LIPI: variants seen among roughly 807,000 people sequenced by gnomAD.
The protein encoded by LIPI is lipase member I.
In LIPI, 59 loss-of-function variants were observed where a neutral mutation model predicts 50.6. The ratio of observed to expected loss-of-function variants is 1.16; its 90% CI spans 0.94 to 1.45. LIPI has a LOEUF of 1.45. LIPI is among the 40% of genes most tolerant of loss of function. The probability of loss-of-function intolerance (pLI) is 0.00; values close to 1 mark genes in which losing one functional copy is unlikely to be tolerated. For missense variants in LIPI, 586 were observed against 536.3 expected (o/e 1.09, Z -0.92); for synonymous variants, 203 against 178.2 (o/e 1.14, Z -1.11).
intron 9 of LIPI, among the ~76,000 whole-genome samples, chr21:14,110,064 C>G (rs980898919): frequency 1.3e-5 from 2 of 151,280 alleles, no homozygotes; most frequent in Non-Finnish European, 3.0e-5. Context: ...CTTTGCTTAC[C>G]ACACATTACC....
intron 7 of LIPI, among the ~76,000 whole-genome samples, chr21:14,162,525 C>G (rs76041056): frequency 0.016 from 2,416 of 151,886 alleles, 63 homozygotes; most frequent in African/African-American, 0.055. Context: ...TGCTACTACT[C>G]TATGGCACTG....
At chr21:14,168,885 A>G (rs1182732554) in intron 4 of LIPI, among the ~76,000 whole-genome samples, 1 of 151,994 alleles carries the variant, frequency 6.6e-6, no homozygotes, top group African/African-American at 2.4e-5. Flanking sequence ...ATGTAAATGG[A>G]CTAAATGCTC....
intron 4 of LIPI, among the ~76,000 whole-genome samples, chr21:14,169,373 T>G (rs1287575618): frequency 6.6e-6 from 1 of 152,090 alleles, no homozygotes; most frequent in Non-Finnish European, 1.5e-5. Flanking sequence ...CTAATAGACA[T>G]CTACAGAACT....
At chr21:14,202,960 C>A (rs916898393) in intron 1 of LIPI, among the ~76,000 whole-genome samples, 8 of 151,958 alleles carry the variant, frequency 5.3e-5, no homozygotes, top group Admixed American at 1.3e-4. Context: ...TATCCAGAAT[C>A]TACAATGAAT....
At chr21:14,171,198 G>T (rs549411563) in intron 4 of LIPI, among the ~76,000 whole-genome samples, 1 of 151,226 alleles carries the variant, frequency 6.6e-6, no homozygotes, top group East Asian at 1.9e-4. Context: ...ACAAACCACT[G>T]CTCAATGAAA....
chr21:14,197,151 T>A (rs999979427), intron 1 of LIPI, among the ~76,000 whole-genome samples: 2 of 151,414 alleles, frequency 1.3e-5, no homozygotes, highest in Non-Finnish European at 2.9e-5. Context: ...AAAAAAATAA[T>A]TTATACTATT....
At chr21:14,136,035 G>C (rs185276966) in intron 9 of LIPI, among the ~76,000 whole-genome samples, 1 of 152,264 alleles carries the variant, frequency 6.6e-6, no homozygotes, top group East Asian at 1.9e-4. Context: ...CCAGGCTCTA[G>C]CTCCTAGAAA....
chr21:14,144,886 C>G, intron 8 of LIPI, 87 bp from the exon 9 acceptor site: 1 of 838,898 alleles, frequency 1.2e-6, no homozygotes, highest in Non-Finnish European at 1.9e-6. Flanking sequence ...ATAAGGGAGG[C>G]CACAGAGAAC....
chr21:14,164,077 T>C (rs962177868), intron 6 of LIPI, among the ~76,000 whole-genome samples: 4 of 150,530 alleles, frequency 2.7e-5, no homozygotes, highest in African/African-American at 9.7e-5. Flanking sequence ...ATTTATTATA[T>C]ATAATATGTT....
chr21:14,110,709 A>G (rs968671046), intron 9 of LIPI, among the ~76,000 whole-genome samples: 1 of 151,644 alleles, frequency 6.6e-6, no homozygotes, highest in African/African-American at 2.4e-5. Context: ...TAGATTCCAC[A>G]TGTGAGTGAA....
At chr21:14,162,159 T>C (rs1173414646) in intron 7 of LIPI, among the ~76,000 whole-genome samples, 1 of 150,888 alleles carries the variant, frequency 6.6e-6, no homozygotes, top group Admixed American at 6.7e-5. Context: ...AAAAGTATAG[T>C]GAATCACTGA....
intron 4 of LIPI, among the ~76,000 whole-genome samples, chr21:14,173,129 G>C (rs1431966003): frequency 6.6e-6 from 1 of 152,188 alleles, no homozygotes; most frequent in African/African-American, 2.4e-5. Context: ...ATGTGAGGCG[G>C]TGACCCCAGT....
At chr21:14,111,989 T>C (rs1488897660) in intron 9 of LIPI, among the ~76,000 whole-genome samples, 8 of 152,058 alleles carry the variant, frequency 5.3e-5, no homozygotes, top group Non-Finnish European at 1.0e-4. Context: ...ATTTTTCAAT[T>C]CGCATCCCTC....
chr21:14,126,231 C>T (rs1269743442), intron 9 of LIPI, among the ~76,000 whole-genome samples: 1 of 152,134 alleles, frequency 6.6e-6, no homozygotes, highest in African/African-American at 2.4e-5. Context: ...CTTATGTTTA[C>T]TTAAACACCT....
At position 14,184,361 on chromosome 21, in the gene LIPI, G is replaced by A. The variant is rs565273109; in HGVS notation, c.541+1600C>T. 3.9e-5 allele frequency among the ~76,000 whole-genome samples: 6 copies of A among 152,120 alleles called. No homozygotes were observed. The East Asian group carries it at 5.8e-4, about 15-fold the overall frequency. ...GAAGTGGGGAGGGATAGCATTAGGC[G>A]ATATACCTAATGCTAAATGATGAGT... is the stretch of plus-strand genomic sequence containing the variant. On this transcript the variant is annotated intron_variant, in intron 3 of 9. Transcript: ENST00000681601.
chr21:14,141,825 C>A (rs181128889), intron 9 of LIPI, among the ~76,000 whole-genome samples: 298 of 152,292 alleles, frequency 2.0e-3, no homozygotes, highest in South Asian at 7.0e-3. Flanking sequence ...AGCTAAATTT[C>A]TGATGTCTGG....
Position 14,186,025 on chromosome 21 carries a change from G to T in LIPI, c.477C>A (p.Ser159Arg). Residue 159 changes from serine (S) to arginine (R), a missense_variant, in exon 3 of 10, where the codon AGC (serine) becomes AGA (arginine). Physicochemically the swap from Ser to Arg is moderately radical, Grantham distance 110 (BLOSUM62 -1). Coordinates refer to ENST00000681601, the MANE Select transcript of LIPI (RefSeq NM_001302998.2). ...CAAATCCACTGATATGAGCCCCTAA[G>T]CTCACACCTATGAAATGAAAATTGT... is the stretch of plus-strand genomic sequence containing the variant. ...SLDNFHFIGVSLGAHISGFVG... is the reference protein window; with the variant it reads ...SLDNFHFIGVRLGAHISGFVG... 6.2e-7 allele frequency: 1 copy of T among 1,604,496 alleles called. No homozygotes were observed. Among genetic ancestry groups the T allele is most frequent in the South Asian group, 1.1e-5 (1 of 90,834 alleles).
intron 3 of LIPI, among the ~76,000 whole-genome samples, chr21:14,182,323 T>C (rs1272951126): frequency 6.6e-6 from 1 of 152,108 alleles, no homozygotes; most frequent in Non-Finnish European, 1.5e-5. Context: ...CATGTTATCT[T>C]ATCCATTTCT....
intron 9 of LIPI, among the ~76,000 whole-genome samples, chr21:14,137,515 AG>A (rs2017545180): frequency 1.3e-5 from 2 of 152,196 alleles, no homozygotes. Flanking sequence ...GTGAACTTAA[AG>A]ACAGGCTATT....
Sources: allele counts gnomAD v4.1 joint callset (sites outside exome capture counted in the v4.1 genomes callset), GRCh38; gene constraint gnomAD v4.1.1; transcripts MANE v1.5; gene names NCBI Gene and HGNC (gene_info 2026-07-23, HGNC 2026-07-21).